The following ARFGEF1 variants were observed in gnomAD, a reference collection of about 807,000 sequenced individuals.
The protein encoded by ARFGEF1 is brefeldin A-inhibited guanine nucleotide-exchange protein 1.
A neutral mutation model predicts 231.0 loss-of-function variants in ARFGEF1; 42 were observed. The observed-to-expected ratio is 0.18, with a 90% CI of 0.14 to 0.24. The LOEUF (loss-of-function observed/expected upper bound fraction) is 0.24. ARFGEF1 is among the 10% of genes least tolerant of loss of function. ARFGEF1 has a pLI of 1.00. For synonymous variants in ARFGEF1, 710 were observed against 732.3 expected (o/e 0.97, Z 0.49); for missense variants, 1,345 against 2,192.0 (o/e 0.61, Z 7.72).
intron 7 of ARFGEF1, among the ~76,000 whole-genome samples, chr8:67,282,422 A>G (rs1382864726): frequency 6.6e-6 from 1 of 152,206 alleles, no homozygotes; most frequent in African/African-American, 2.4e-5. Context: ...AAAACAAAAT[A>G]TTAGAAAAAG....
chr8:67,184,706 A>C (rs1308976702), intron 5 of ARFGEF1, among the ~76,000 whole-genome samples: 1 of 151,052 alleles, frequency 6.6e-6, no homozygotes, highest in Non-Finnish European at 1.5e-5. Flanking sequence ...CCTGCATGAC[A>C]GAGTGAGATT....
intron 2 of ARFGEF1, among the ~76,000 whole-genome samples, chr8:67,302,206 AT>A (rs1352201360): frequency 2.2e-4 from 34 of 152,152 alleles, no homozygotes; most frequent in African/African-American, 6.3e-4. Context: ...CTCCAAAAAA[AT>A]ATATGCATAC....
chr8:67,207,618 G>A (rs1251579675), intron 34 of ARFGEF1, among the ~76,000 whole-genome samples: 2 of 152,214 alleles, frequency 1.3e-5, no homozygotes, highest in Non-Finnish European at 2.9e-5. Flanking sequence ...TTTTAACTAT[G>A]TGGGACTACA....
chr8:67,213,157 C>T (rs1838809903), intron 33 of ARFGEF1, among the ~76,000 whole-genome samples: 1 of 152,160 alleles, frequency 6.6e-6, no homozygotes, highest in Non-Finnish European at 1.5e-5. Context: ...CAGAATGATA[C>T]TTTTCTGTGA....
chr8:67,267,008 A>T (rs548254860), intron 12 of ARFGEF1, 24 bp from the exon 13 acceptor site: 23 of 1,608,018 alleles, frequency 1.4e-5, no homozygotes, highest in East Asian at 2.2e-5. Context: ...CAAAAACAAA[A>T]TTTTTTTTAA....
intron 1 of ARFGEF1, among the ~76,000 whole-genome samples, chr8:67,307,008 A>C (rs965695742): frequency 1.3e-5 from 2 of 152,176 alleles, no homozygotes; most frequent in African/African-American, 2.4e-5. Flanking sequence ...CGAACTCCTG[A>C]CCACAGGTGA....
At chr8:67,311,606 G>C (rs1479377764) in intron 1 of ARFGEF1, among the ~76,000 whole-genome samples, 1 of 148,858 alleles carries the variant, frequency 6.7e-6, no homozygotes, top group Non-Finnish European at 1.5e-5. Context: ...TCGTCCGGGA[G>C]GGAGGTGGGG....
chr8:67,189,034 CT>C (rs992436358), intron 5 of ARFGEF1, among the ~76,000 whole-genome samples: 3 of 152,212 alleles, frequency 2.0e-5, no homozygotes, highest in Non-Finnish European at 2.9e-5. Flanking sequence ...AAGGACCCGC[CT>C]GGTAACACAT....
rs1345609873 is a variant in ARFGEF1 at position 67,343,145 on chromosome 8, G to A, written c.124+19C>T. On this transcript the variant is annotated intron_variant, in intron 1 of 38. Transcript: ENST00000262215. The stretch of plus-strand genomic sequence containing the variant: ...CCCCACAACAAGCACCCCATCCCCC[G>A]GGCCTCCTCCCCGCTCACCTAACGC... 2.5e-5 allele frequency: 9 copies of A among 363,928 alleles called. No individual in the cohort carries two copies. Among genetic ancestry groups the A allele is most frequent in the Middle Eastern group, 4.2e-4 (1 of 2,362 alleles). The allele number at this position is 363,928 out of a possible 1,614,324, so 22.5% of individuals were successfully genotyped here.
intron 5 of ARFGEF1, among the ~76,000 whole-genome samples, chr8:67,185,104 CAAAA>C (rs562540567): frequency 8.2e-6 from 1 of 121,950 alleles, no homozygotes; most frequent in Non-Finnish European, 1.8e-5. Context: ...GACTCCGTCT[CAAAA>C]AAAAAAAAAC....
intron 10 of ARFGEF1, among the ~76,000 whole-genome samples, chr8:67,268,916 C>T (rs1587174158): frequency 6.6e-6 from 1 of 152,186 alleles, no homozygotes; most frequent in African/African-American, 2.4e-5. Context: ...GAATCAAAAA[C>T]TTTTGGGATC....
intron 17 of ARFGEF1, among the ~76,000 whole-genome samples, chr8:67,255,425 AT>A (rs1156327217): frequency 5.3e-5 from 8 of 151,848 alleles, no homozygotes; most frequent in East Asian, 1.9e-4. Context: ...TATGCCTAAA[AT>A]TTTTTTTTAA....
At chr8:67,319,355 A>C (rs1440784912) in intron 1 of ARFGEF1, among the ~76,000 whole-genome samples, 3 of 152,220 alleles carry the variant, frequency 2.0e-5, no homozygotes, top group Non-Finnish European at 4.4e-5. Flanking sequence ...TGTAGTGTTA[A>C]AGACAGAAAC....
chr8:67,278,213 A>T (rs1563883770), intron 7 of ARFGEF1, among the ~76,000 whole-genome samples: 1 of 152,202 alleles, frequency 6.6e-6, no homozygotes, highest in Non-Finnish European at 1.5e-5. Context: ...CGAGAGACAC[A>T]TGCTGTACTA....
intron 3 of ARFGEF1, among the ~76,000 whole-genome samples, chr8:67,300,710 T>C (rs1587260551): frequency 2.7e-5 from 4 of 149,838 alleles, no homozygotes; most frequent in Admixed American, 2.7e-4. Context: ...TGGGCATGGT[T>C]ACACACACCT....
intron 1 of ARFGEF1, among the ~76,000 whole-genome samples, chr8:67,307,315 CAAG>C (rs1274304767): frequency 6.6e-6 from 1 of 152,128 alleles, no homozygotes; most frequent in Non-Finnish European, 1.5e-5. Flanking sequence ...CAATTAATCA[CAAG>C]TAGCTTTGAG....
intron 25 of ARFGEF1, 117 bp downstream of exon 25, chr8:67,227,846 A>G: frequency 1.1e-6 from 1 of 938,748 alleles, no homozygotes; most frequent in Non-Finnish European, 1.5e-6. Context: ...TTCTAATTTA[A>G]TATTAAAAAG....
At chr8:67,271,048 A>T (rs1055307266) in intron 10 of ARFGEF1, among the ~76,000 whole-genome samples, 1 of 148,952 alleles carries the variant, frequency 6.7e-6, no homozygotes, top group Non-Finnish European at 1.5e-5. Flanking sequence ...AAAAAAGGAA[A>T]AAGAAAAAAA....
At chr8:67,177,752 A>C (rs1278756966) in intron 5 of ARFGEF1, 1 of 1,582,338 alleles carries the variant, frequency 6.3e-7, no homozygotes, top group Admixed American at 1.7e-5. Flanking sequence ...CAATTTTTCA[A>C]GTTAGTTTTT....
Sources: allele counts gnomAD v4.1 joint callset (sites outside exome capture counted in the v4.1 genomes callset), GRCh38; gene constraint gnomAD v4.1.1; transcripts MANE v1.5; gene names NCBI Gene and HGNC (gene_info 2026-07-23, HGNC 2026-07-21).